PTPRT: variants seen among roughly 807,000 people sequenced by gnomAD.
The protein encoded by PTPRT is protein tyrosine phosphatase receptor type T, also known as receptor-type tyrosine-protein phosphatase T.
In PTPRT, 56 loss-of-function variants were observed where a neutral mutation model predicts 176.8. That is an observed-to-expected ratio of 0.32 (90% CI 0.26 to 0.40). The LOEUF (loss-of-function observed/expected upper bound fraction) is 0.40. Among genes scored for constraint, PTPRT ranks in the 10% least tolerant of loss-of-function variants. PTPRT has a pLI of 1.00. For missense variants in PTPRT, 1,540 were observed against 1,908.2 expected (o/e 0.81, Z 3.60); for synonymous variants, 783 against 739.0 (o/e 1.06, Z -0.96).
At chr20:42,755,998 T>C (rs559646157) in intron 6 of PTPRT, among the ~76,000 whole-genome samples, 1 of 152,226 alleles carries the variant, frequency 6.6e-6, no homozygotes, top group African/African-American at 2.4e-5. Context: ...TTGAAAAGAA[T>C]TGAATCAAGG....
intron 7 of PTPRT, among the ~76,000 whole-genome samples, chr20:42,607,732 G>C (rs1181579076): frequency 6.6e-6 from 1 of 152,212 alleles, no homozygotes; most frequent in Non-Finnish European, 1.5e-5. Flanking sequence ...GTGTGGGCAT[G>C]GGCGGATTGC....
chr20:43,072,128 C>T (rs191613711), intron 1 of PTPRT, among the ~76,000 whole-genome samples: 24 of 152,346 alleles, frequency 1.6e-4, no homozygotes, highest in East Asian at 1.2e-3. Context: ...TGCACCAACC[C>T]TGTCTCTTGA....
At chr20:43,186,879 T>A (rs1241944081) in intron 1 of PTPRT, among the ~76,000 whole-genome samples, 2 of 152,224 alleles carry the variant, frequency 1.3e-5, no homozygotes, top group Non-Finnish European at 2.9e-5. Context: ...CAGTCCCCTA[T>A]AAGATACATT....
rs796947777 is a variant in PTPRT, at chr20:42,113,604, C to T, written c.3099+1595G>A. Among the ~76,000 whole-genome samples the T allele has an allele frequency of 6.1e-4, 93 of 152,362 alleles. 1 individual carries two copies. Among genetic ancestry groups the T allele is most frequent in the African/African-American group, 2.2e-3 (91 of 41,590 alleles). ...TTAAGGGGGACAACTCACTCTGTGG[C>T]ATAGTTTATCCTTGGAGGTTCCCTG... is the stretch of plus-strand genomic sequence containing the variant. On this transcript the variant is annotated intron_variant, in intron 22 of 30. Transcript: ENST00000373187.
intron 6 of PTPRT, among the ~76,000 whole-genome samples, chr20:42,720,383 T>C (rs890803671): frequency 2.6e-5 from 4 of 152,120 alleles, no homozygotes; most frequent in African/African-American, 9.7e-5. Flanking sequence ...GGTAGTGCAA[T>C]AAGAGAATGC....
In PTPRT at chr20:42,536,924, G is replaced by A. The variant is rs567310627; in HGVS notation, c.1154-64362C>T. Among the ~76,000 whole-genome samples, 6 of 151,994 alleles carry A rather than the reference G, an allele frequency of 3.9e-5. No homozygotes were observed. In the South Asian group the frequency reaches 1.2e-3, roughly 32 times the overall value. The stretch of plus-strand genomic sequence containing the variant: ...AGACAGCTATCAAGAGCATTTTTTT[G>A]CAATTGCTAAATATTATAACCAACC... On this transcript the variant is annotated intron_variant, in intron 7 of 30. Coordinates refer to ENST00000373187, the MANE Select transcript of PTPRT (RefSeq NM_007050.6).
chr20:42,070,092 C>T (rs773190941), downstream of PTPRT, among the ~76,000 whole-genome samples: 1 of 151,958 alleles, frequency 6.6e-6, no homozygotes, highest in Non-Finnish European at 1.5e-5. Context: ...TTTCTCTTAT[C>T]TCACCAGCTG....
At chr20:43,082,606 T>G (rs1257097850) in intron 1 of PTPRT, among the ~76,000 whole-genome samples, 1 of 152,146 alleles carries the variant, frequency 6.6e-6, no homozygotes, top group Non-Finnish European at 1.5e-5. Context: ...CCCCTGTTTT[T>G]TCAGACATCT....
intron 13 of PTPRT, 67 bp from the exon 14 acceptor site, chr20:42,248,889 A>C: frequency 6.4e-7 from 1 of 1,570,626 alleles, no homozygotes. Flanking sequence ...CAATCATCAT[A>C]ATGACAACAG....
chr20:42,160,736 T>C (rs985930277), intron 17 of PTPRT, among the ~76,000 whole-genome samples: 10 of 152,224 alleles, frequency 6.6e-5, no homozygotes, highest in African/African-American at 2.4e-4. Context: ...TAACAACCAC[T>C]ACCTGCAAAT....
chr20:42,817,835 A>C (rs997978966), intron 2 of PTPRT, among the ~76,000 whole-genome samples: 4 of 152,144 alleles, frequency 2.6e-5, no homozygotes, highest in Non-Finnish European at 5.9e-5. Flanking sequence ...AAACTCCAAT[A>C]ACTCCAGCTA....
chr20:42,592,267 A>G (rs1272014165), intron 7 of PTPRT, among the ~76,000 whole-genome samples: 1 of 151,632 alleles, frequency 6.6e-6, no homozygotes, highest in Non-Finnish European at 1.5e-5. Context: ...GAGCCACCGC[A>G]CCCAGCTTTG....
intron 7 of PTPRT, among the ~76,000 whole-genome samples, chr20:42,655,368 G>A (rs1390845048): frequency 6.6e-6 from 1 of 152,122 alleles, no homozygotes; most frequent in Non-Finnish European, 1.5e-5. Context: ...GTGCACCCCT[G>A]TAATCTCAGC....
intron 14 of PTPRT, among the ~76,000 whole-genome samples, chr20:42,247,915 C>T (rs1418904580): frequency 6.6e-6 from 1 of 152,204 alleles, no homozygotes; most frequent in Non-Finnish European, 1.5e-5. Flanking sequence ...ATTTTCTTCC[C>T]TCTGTAATTT....
At chr20:42,448,716 G>C (rs78490119) in intron 8 of PTPRT, among the ~76,000 whole-genome samples, 1 of 152,128 alleles carries the variant, frequency 6.6e-6, no homozygotes, top group Non-Finnish European at 1.5e-5. Flanking sequence ...GCAGTTTCCA[G>C]TTCTGCCAGA....
intron 4 of PTPRT, among the ~76,000 whole-genome samples, chr20:42,779,400 T>C (rs1206466936): frequency 6.6e-6 from 1 of 152,144 alleles, no homozygotes; most frequent in African/African-American, 2.4e-5. Flanking sequence ...AAGAAACTAC[T>C]GGGAATCTCC....
intron 7 of PTPRT, among the ~76,000 whole-genome samples, chr20:42,639,474 G>A (rs1156635071): frequency 6.6e-6 from 1 of 152,008 alleles, no homozygotes; most frequent in Admixed American, 6.6e-5. Context: ...CGCTCTCTCC[G>A]CAATTCCCAG....
chr20:42,440,563 C>T (rs1013094230), intron 9 of PTPRT, among the ~76,000 whole-genome samples: 21 of 151,478 alleles, frequency 1.4e-4, no homozygotes, highest in South Asian at 4.2e-4. Flanking sequence ...CTGCAAGATC[C>T]GCCTCCCAGG....
chr20:42,256,849 A>G (rs2056650374), intron 13 of PTPRT, among the ~76,000 whole-genome samples: 1 of 152,226 alleles, frequency 6.6e-6, no homozygotes, highest in Non-Finnish European at 1.5e-5. Context: ...GCCCAGAAGT[A>G]AGGATCACCC....
Sources: gnomAD v4.1 joint callset for allele counts (sites outside exome capture counted in the v4.1 genomes callset) on GRCh38, gnomAD v4.1.1 for gene constraint, MANE v1.5 for transcripts, NCBI Gene and HGNC (gene_info 2026-07-23, HGNC 2026-07-21) for gene names.